UPK3A: variants seen among roughly 807,000 people sequenced by gnomAD.
The protein encoded by UPK3A is uroplakin-3a.
Under a neutral mutation model 27.6 loss-of-function variants are expected in UPK3A, and 32 were observed. The ratio of observed to expected loss-of-function variants is 1.16; its 90% CI spans 0.87 to 1.55. The LOEUF (loss-of-function observed/expected upper bound fraction) is 1.55. Among genes scored for constraint, UPK3A ranks in the 40% most tolerant of loss-of-function variants. The pLI, the probability that UPK3A is intolerant of heterozygous loss-of-function variation, is 0.00. For missense variants in UPK3A, 370 were observed against 367.9 expected (o/e 1.01, Z -0.05); for synonymous variants, 171 against 163.9 (o/e 1.04, Z -0.33).
At chr22:45,286,717 C>A (rs779001251) in intron 2 of UPK3A, among the ~76,000 whole-genome samples, 10 of 152,138 alleles carry the variant, frequency 6.6e-5, no homozygotes, top group African/African-American at 2.2e-4. Context: ...GCCTGATCTC[C>A]GGGCACTGTA....
intron 4 of UPK3A, among the ~76,000 whole-genome samples, chr22:45,291,779 T>C (rs1248148426): frequency 1.3e-5 from 2 of 150,340 alleles, no homozygotes; most frequent in Admixed American, 6.6e-5. Flanking sequence ...GTGTGTGGTG[T>C]GTGAGAGTGT....
rs766327343 is a variant in UPK3A, at chr22:45,289,029, A to G, written c.489-32A>G. 39 of 1,611,456 alleles carry G rather than the reference A, an allele frequency of 2.4e-5. No individual in the cohort carries two copies. In the Admixed American group the frequency reaches 4.3e-4, roughly 18 times the overall value. On this transcript the variant is annotated intron_variant, in intron 3 of 5. Coordinates refer to ENST00000216211, the MANE Select transcript of UPK3A (RefSeq NM_006953.4). ...CCTGTGGGTGGGGCTCACAGGAAGCATAAAAGTCACCCTGGCTCCGTCTCC... is the reference window on the plus strand; with the variant it reads ...CCTGTGGGTGGGGCTCACAGGAAGCGTAAAAGTCACCCTGGCTCCGTCTCC...
intron 4 of UPK3A, 27 bp from the exon 5 acceptor site, chr22:45,293,154 A>C (rs748910780): frequency 1.2e-6 from 2 of 1,612,384 alleles, no homozygotes; most frequent in South Asian, 2.2e-5. Flanking sequence ...GGTGTCTGGG[A>C]AGTAACCGGG....
At chr22:45,290,208 C>T (rs1445649914) in intron 4 of UPK3A, among the ~76,000 whole-genome samples, 1 of 152,170 alleles carries the variant, frequency 6.6e-6, no homozygotes, top group Non-Finnish European at 1.5e-5. Context: ...ACAGGGGCCA[C>T]GCCAGGGTCT....
At chr22:45,294,413 AC>A (rs35628051) in intron 5 of UPK3A, among the ~76,000 whole-genome samples, 2 of 149,416 alleles carry the variant, frequency 1.3e-5, no homozygotes, top group Non-Finnish European at 3.0e-5. Flanking sequence ...ACCCTGGTAC[AC>A]CCCCCCCGGG....
chr22:45,290,546 G>C lies in UPK3A; in HGVS notation c.571+1403G>C, dbSNP rs545719499. The stretch of plus-strand genomic sequence containing the variant: ...AGTTTACGGTGTTGCGTATGTGTGT[G>C]AGTGGTGTGTGAGTGTGAGAATGTG... On this transcript the variant is annotated intron_variant, in intron 4 of 5. Transcript: ENST00000216211. Among the ~76,000 whole-genome samples, 46 of 152,178 alleles carry C rather than the reference G, an allele frequency of 3.0e-4. 1 individual carries two copies. The South Asian group carries it at 9.5e-3, about 32-fold the overall frequency.
chr22:45,287,981 AT>A (rs1261442952), intron 3 of UPK3A, among the ~76,000 whole-genome samples: 6 of 151,828 alleles, frequency 4.0e-5, no homozygotes, highest in African/African-American at 1.5e-4. Flanking sequence ...GAAATTCTTA[AT>A]TGTTGAACAA....
chr22:45,285,699 G>A (rs2742633), intron 1 of UPK3A, among the ~76,000 whole-genome samples: 80,743 of 151,794 alleles, frequency 0.53, 25,412 homozygotes, highest in Non-Finnish European at 0.71. Context: ...CTTAGGAGGG[G>A]CAGTGGAGTT....
intron 5 of UPK3A, 111 bp downstream of exon 5, chr22:45,293,424 A>G: frequency 7.0e-7 from 1 of 1,429,228 alleles, no homozygotes; most frequent in Non-Finnish European, 9.8e-7. Context: ...CCGGAAGGCA[A>G]GGAAGCTACC....
chr22:45,293,891 G>T (rs968953896), intron 5 of UPK3A, among the ~76,000 whole-genome samples: 2 of 152,124 alleles, frequency 1.3e-5, no homozygotes, highest in African/African-American at 4.8e-5. Flanking sequence ...CTGGGACTCG[G>T]GACTCCACTG....
At chr22:45,289,179 G>T (rs771208239) in intron 4 of UPK3A, 36 bp downstream of exon 4, 1 of 1,609,806 alleles carries the variant, frequency 6.2e-7, no homozygotes, top group East Asian at 2.2e-5. Context: ...GATGCTCAAG[G>T]GGACCCGAGA....
intron 5 of UPK3A, among the ~76,000 whole-genome samples, 173 bp from the exon 6 acceptor site, chr22:45,295,387 T>G (rs1338054945): frequency 6.6e-6 from 1 of 152,112 alleles, no homozygotes; most frequent in Non-Finnish European, 1.5e-5. Context: ...CTCTTCCTTA[T>G]TCCCAGGGCC....
chr22:45,290,243 T>C lies in UPK3A; in HGVS notation c.571+1100T>C, dbSNP rs113910632. Among the ~76,000 whole-genome samples, 1,136 of 152,226 alleles carry C rather than the reference T, an allele frequency of 7.5e-3. 11 individuals are homozygous for C. Among genetic ancestry groups the C allele is most frequent in the African/African-American group, 0.025 (1,055 of 41,538 alleles). On this transcript the variant is annotated intron_variant, in intron 4 of 5. Transcript: ENST00000216211. ...TTTGATGGTAATTTTGGGCAAATGA[T>C]ATCCTAACTTAAGACCTCCTCCCGC...
At chr22:45,290,898 T>A (rs1372173515) in intron 4 of UPK3A, among the ~76,000 whole-genome samples, 1 of 152,192 alleles carries the variant, frequency 6.6e-6, no homozygotes, top group African/African-American at 2.4e-5. Flanking sequence ...GAGAATCTCA[T>A]GCCCGATGAT....
At chr22:45,292,548 C>T (rs1376263203) in intron 4 of UPK3A, among the ~76,000 whole-genome samples, 2 of 152,198 alleles carry the variant, frequency 1.3e-5, no homozygotes, top group Non-Finnish European at 2.9e-5. Flanking sequence ...CTCATCTTTA[C>T]TTGTAATCCA....
At chr22:45,291,565 TGC>T (rs1172687976) in intron 4 of UPK3A, among the ~76,000 whole-genome samples, 3 of 149,722 alleles carry the variant, frequency 2.0e-5, no homozygotes, top group South Asian at 2.1e-4. Flanking sequence ...GCAGTGTGTG[TGC>T]GTGTGTAAGA....
intron 2 of UPK3A, 125 bp from the exon 3 acceptor site, chr22:45,287,047 C>A: frequency 1.4e-6 from 2 of 1,432,206 alleles, no homozygotes; most frequent in Non-Finnish European, 1.9e-6. Flanking sequence ...TTGCCCCATG[C>A]CTGTGATGCC....
chr22:45,289,021 C>A, intron 3 of UPK3A, 40 bp from the exon 4 acceptor site: 1 of 1,606,810 alleles, frequency 6.2e-7, no homozygotes, highest in Non-Finnish European at 8.5e-7. Flanking sequence ...GTGGGGCTCA[C>A]AGGAAGCATA....
In UPK3A at chr22:45,287,180, A is replaced by G. The variant is rs200549755; in HGVS notation, c.217A>G (p.Arg73Gly). 7.4e-6 allele frequency: 12 copies of G among 1,614,132 alleles called. No homozygotes were observed. The highest frequency in any genetic ancestry group is 1.0e-5 in the Non-Finnish European group (12 of 1,180,026). ...CTGCACCGCCTCTGCAGCCATTTCC[A>G]GGAATGCCTCAGTGCAAGACAGCAC... Reference protein sequence around the residue: ...LYVLVDSAISRNASVQDSTNT... With the variant: ...LYVLVDSAISGNASVQDSTNT... The change falls in exon 3 of 6, where the codon AGG becomes GGG. Residue 73 changes from arginine (R) to glycine (G), a missense_variant. Coordinates refer to ENST00000216211, the MANE Select transcript of UPK3A (RefSeq NM_006953.4).
Sources: allele counts gnomAD v4.1 joint callset (sites outside exome capture counted in the v4.1 genomes callset), GRCh38; gene constraint gnomAD v4.1.1; transcripts MANE v1.5; gene names NCBI Gene and HGNC (gene_info 2026-07-23, HGNC 2026-07-21).